The following WTAP variants were observed in gnomAD, a reference collection of about 807,000 sequenced individuals.
WTAP encodes pre-mRNA-splicing regulator WTAP.
A neutral mutation model predicts 50.0 loss-of-function variants in WTAP; 8 were observed. The observed-to-expected ratio is 0.16, with a 90% CI of 0.09 to 0.29. WTAP has a LOEUF of 0.29. Among genes scored for constraint, WTAP ranks in the 10% least tolerant of loss-of-function variants. The pLI, the probability that WTAP is intolerant of heterozygous loss-of-function variation, is 1.00. For synonymous variants in WTAP, 194 were observed against 169.0 expected (o/e 1.15, Z -1.15); for missense variants, 295 against 470.7 (o/e 0.63, Z 3.45).
chr6:159,738,874 C>A, intron 2 of WTAP, 116 bp from the exon 3 acceptor site: 8 of 622,932 alleles, frequency 1.3e-5, no homozygotes, highest in South Asian at 7.2e-5. Context: ...TTCAAAAAAT[C>A]ATAATATGTA....
chr6:159,754,580 T>C (rs1779934964), intron 7 of WTAP, among the ~76,000 whole-genome samples: 1 of 152,212 alleles, frequency 6.6e-6, no homozygotes, highest in Non-Finnish European at 1.5e-5. Context: ...AAGCCCCTCA[T>C]ATAAAATGAT....
intron 1 of WTAP, among the ~76,000 whole-genome samples, chr6:159,730,160 C>T (rs1180800260): frequency 6.6e-6 from 1 of 152,166 alleles, no homozygotes; most frequent in Non-Finnish European, 1.5e-5. Flanking sequence ...TTTTAATCAC[C>T]TAATAGCTGA....
chr6:159,742,883 T>C (rs1779346083), intron 4 of WTAP, among the ~76,000 whole-genome samples: 1 of 151,570 alleles, frequency 6.6e-6, no homozygotes, highest in African/African-American at 2.4e-5. Flanking sequence ...TAGGGAGACC[T>C]TGTCTCTACA....
intron 3 of WTAP, among the ~76,000 whole-genome samples, chr6:159,740,286 GA>G (rs1779174764): frequency 6.6e-6 from 1 of 152,160 alleles, no homozygotes; most frequent in African/African-American, 2.4e-5. Flanking sequence ...AAGAATCATA[GA>G]AATGTTTTAT....
upstream of WTAP, chr6:159,727,291 G>C (rs1039645327): frequency 7.0e-6 from 9 of 1,282,380 alleles, no homozygotes; most frequent in East Asian, 4.7e-4. Flanking sequence ...GGGGTTCGGC[G>C]GCGGGCGAGT....
Position 159,748,320 on chromosome 6 carries a change from C to T in WTAP, c.403C>T (p.Leu135=). ...KGELEQTKDK[L]EQAQNELSAW... ...TGAACTGGAACAGACTAAAGACAAA[C>T]TGGAACAAGCCCAAAATGAACTGAG... Residue 135 remains leucine (L), a synonymous_variant, in exon 6 of 8, where the codon CTG becomes TTG. Transcript: ENST00000621533. This position sits in a 1 kb window ranked among gnomAD's most constrained non-coding sequence, Gnocchi z 5.6. 6.2e-7 allele frequency: 1 copy of T among 1,613,998 alleles called. No homozygotes were observed. Among genetic ancestry groups the T allele is most frequent in the Non-Finnish European group, 8.5e-7 (1 of 1,179,926 alleles).
chr6:159,746,462 A>G (rs142068671), intron 5 of WTAP, among the ~76,000 whole-genome samples: 7 of 152,154 alleles, frequency 4.6e-5, no homozygotes, highest in Admixed American at 4.6e-4. Flanking sequence ...TAAAATATAC[A>G]TCCTTAGGAA....
intron 1 of WTAP, among the ~76,000 whole-genome samples, chr6:159,728,094 G>A (rs969867752): frequency 6.6e-6 from 1 of 152,156 alleles, no homozygotes; most frequent in Non-Finnish European, 1.5e-5. Flanking sequence ...GTTCAGCAAG[G>A]AAAAAAAGAA....
chr6:159,730,141 T>G (rs989213431), intron 1 of WTAP, among the ~76,000 whole-genome samples: 8 of 152,160 alleles, frequency 5.3e-5, no homozygotes, highest in African/African-American at 1.9e-4. Context: ...ATTTATTAAT[T>G]AATAGCTGTT....
chr6:159,737,054 T>A (rs1412002326), intron 2 of WTAP, among the ~76,000 whole-genome samples: 1 of 152,214 alleles, frequency 6.6e-6, no homozygotes, highest in East Asian at 1.9e-4. Context: ...TACCCTTTGA[T>A]TTTCCTCCCT....
rs912529621 is a variant in WTAP, at chr6:159,748,083, G to A, written c.274-108G>A. ...AGAATTTCAGGATCAAAGAGGGGAG[G>A]AGCTTAATGAAAGAGTTGGTAAATC... On this transcript the variant is annotated intron_variant, in intron 5 of 7. Transcript: ENST00000621533. The surrounding 1 kb of genome is among the most constrained non-coding windows in gnomAD (Gnocchi z 5.6). 5 of 1,323,104 alleles carry A rather than the reference G, an allele frequency of 3.8e-6. No individual in the cohort carries two copies. In the African/African-American group the frequency reaches 5.9e-5, roughly 16 times the overall value. The allele number at this position is 1,323,104 out of a possible 1,614,324, so 82.0% of individuals were successfully genotyped here.
chr6:159,739,780 C>T (rs1034088434), intron 3 of WTAP, among the ~76,000 whole-genome samples: 1 of 142,886 alleles, frequency 7.0e-6, no homozygotes, highest in Admixed American at 7.0e-5. Flanking sequence ...CAATTTCCTA[C>T]TTTCACCTTT....
upstream of WTAP, chr6:159,727,114 G>C: frequency 1.7e-6 from 2 of 1,193,520 alleles, no homozygotes; most frequent in South Asian, 3.0e-5. Context: ...CCCTCCCCTC[G>C]GCCGCTTCCC....
chr6:159,755,760 C>CTTTTA lies in WTAP; in HGVS notation c.*153_*154insATTTT. 2 of 281,868 alleles carry CTTTTA rather than the reference C, an allele frequency of 7.1e-6. No homozygotes were observed. The highest frequency in any genetic ancestry group is 9.4e-6 in the Non-Finnish European group (2 of 212,230). 17.5% of individuals were successfully genotyped at this position (281,868 alleles called of 1,614,324 possible). A position where few individuals can be genotyped will look rare whatever the true frequency, so the allele number is the denominator to read the frequency against. ...TGTTTTTTTTCTTTGTTTTTTTTTT[C>CTTTTA]TTTTCTTTTTTTTTTTTTTTTTTTT... On this transcript the variant is annotated 3_prime_UTR_variant, in exon 8 of 8. Coordinates refer to ENST00000621533, the MANE Select transcript of WTAP (RefSeq NM_001270531.2).
At position 159,748,504 on chromosome 6, in the gene WTAP, C is replaced by CTGTCCAGCTTGTAATGGT; in HGVS notation, c.452+137_452+154dup. The stretch of plus-strand genomic sequence containing the variant: ...GCCAAAAAAAAGCCACATTCTTACA[C>CTGTCCAGCTTGTAATGGT]TGTCCAGCTTGTAATGGTTAATGTA... On this transcript the variant is annotated intron_variant, in intron 6 of 7. Coordinates refer to ENST00000621533, the MANE Select transcript of WTAP (RefSeq NM_001270531.2). This position sits in a 1 kb window ranked among gnomAD's most constrained non-coding sequence, Gnocchi z 5.6. The CTGTCCAGCTTGTAATGGT allele has an allele frequency of 6.8e-7, 1 of 1,472,926 alleles. No homozygotes were observed. Among genetic ancestry groups the CTGTCCAGCTTGTAATGGT allele is most frequent in the Non-Finnish European group, 9.0e-7 (1 of 1,111,316 alleles). 91.2% of individuals were successfully genotyped at this position (1,472,926 alleles called of 1,614,324 possible).
chr6:159,729,339 C>G (rs1349317912), intron 1 of WTAP, among the ~76,000 whole-genome samples: 1 of 152,164 alleles, frequency 6.6e-6, no homozygotes, highest in African/African-American at 2.4e-5. Flanking sequence ...TCCAACTTTT[C>G]TGCCTCTAAA....
intron 2 of WTAP, among the ~76,000 whole-genome samples, chr6:159,737,130 C>T (rs1245012706): frequency 6.6e-6 from 1 of 152,192 alleles, no homozygotes; most frequent in Non-Finnish European, 1.5e-5. Flanking sequence ...TTACTGCAGT[C>T]TCCGCCTCCT....
chr6:159,741,902 T>C, intron 3 of WTAP, 186 bp from the exon 4 acceptor site: 1 of 482,102 alleles, frequency 2.1e-6, no homozygotes, highest in Non-Finnish European at 3.7e-6. Flanking sequence ...CCAGACCCTG[T>C]TTGCGCCACG....
intron 1 of WTAP, among the ~76,000 whole-genome samples, chr6:159,733,693 C>A (rs918502476): frequency 1.3e-5 from 2 of 151,592 alleles, no homozygotes; most frequent in Non-Finnish European, 1.5e-5. Context: ...GTGGGCAGAT[C>A]ACCTGAGGTC....
Sources: gnomAD v4.1 joint callset for allele counts (sites outside exome capture counted in the v4.1 genomes callset) on GRCh38, gnomAD v4.1.1 for gene constraint, Gnocchi (gnomAD v3.1) non-coding constraint, MANE v1.5 for transcripts, NCBI Gene and HGNC (gene_info 2026-07-23, HGNC 2026-07-21) for gene names.